NOS1AP: variants seen among roughly 807,000 people sequenced by gnomAD.
NOS1AP encodes nitric oxide synthase 1 adaptor protein.
In NOS1AP, 21 loss-of-function variants were observed where a neutral mutation model predicts 56.2. That is an observed-to-expected ratio of 0.37 (90% CI 0.26 to 0.54). The LOEUF (loss-of-function observed/expected upper bound fraction) is 0.54. NOS1AP is among the 20% of genes least tolerant of loss of function. The pLI, the probability that NOS1AP is intolerant of heterozygous loss-of-function variation, is 0.84. For synonymous variants in NOS1AP, 270 were observed against 274.6 expected (o/e 0.98, Z 0.17); for missense variants, 522 against 657.8 (o/e 0.79, Z 2.26).
At chr1:162,318,922 G>A (rs1329972597) in intron 4 of NOS1AP, among the ~76,000 whole-genome samples, 1 of 152,068 alleles carries the variant, frequency 6.6e-6, no homozygotes, top group East Asian at 1.9e-4. Context: ...ACACAGCTCA[G>A]AATCATATCC....
Position 162,287,927 on chromosome 1 carries a change from G to A in NOS1AP, c.270+491G>A, listed in dbSNP as rs971933905. Among the ~76,000 whole-genome samples the A allele has an allele frequency of 3.3e-5, 5 of 152,220 alleles. No homozygotes were observed. The East Asian group carries it at 7.7e-4, about 24-fold the overall frequency. The stretch of plus-strand genomic sequence containing the variant: ...TCCTGTTGCAGCCTATATTTACATC[G>A]TCCCTCAAGACCCAGCCACTGCTGC... On this transcript the variant is annotated intron_variant, in intron 3 of 9. Coordinates refer to ENST00000361897, the MANE Select transcript of NOS1AP (RefSeq NM_014697.3).
intron 2 of NOS1AP, among the ~76,000 whole-genome samples, chr1:162,233,444 T>C (rs558301948): frequency 5.9e-5 from 9 of 152,282 alleles, no homozygotes; most frequent in African/African-American, 2.2e-4. Flanking sequence ...TCTTTAAAAA[T>C]AACATCTTTA....
At chr1:162,075,281 C>G (rs1691743251) in intron 1 of NOS1AP, among the ~76,000 whole-genome samples, 1 of 152,178 alleles carries the variant, frequency 6.6e-6, no homozygotes, top group Admixed American at 6.5e-5. Flanking sequence ...TGTGGAAAGT[C>G]TGAAAGCAGT....
At chr1:162,287,206 C>G (rs868141099) in intron 2 of NOS1AP, 138 bp from the exon 3 acceptor site, 13 of 654,496 alleles carry the variant, frequency 2.0e-5, no homozygotes, top group African/African-American at 3.6e-5. Flanking sequence ...TTACATCCCC[C>G]GAGGTGCTCC....
intron 2 of NOS1AP, among the ~76,000 whole-genome samples, chr1:162,237,582 A>G (rs1187066546): frequency 1.3e-5 from 2 of 152,248 alleles, no homozygotes; most frequent in Non-Finnish European, 2.9e-5. Flanking sequence ...ATTTTGGATT[A>G]ACTCTATTAC....
At chr1:162,192,960 C>T (rs1361465480) in intron 2 of NOS1AP, among the ~76,000 whole-genome samples, 3 of 152,072 alleles carry the variant, frequency 2.0e-5, no homozygotes, top group Non-Finnish European at 4.4e-5. Context: ...TCTAACAGGC[C>T]ACTTTGACCC....
intron 1 of NOS1AP, among the ~76,000 whole-genome samples, chr1:162,149,730 C>T (rs1649630767): frequency 6.6e-6 from 1 of 152,134 alleles, no homozygotes; most frequent in Non-Finnish European, 1.5e-5. Context: ...TCTGGATGAC[C>T]CTAAGGTGCA....
At chr1:162,286,937 G>A (rs1456403665) in intron 2 of NOS1AP, among the ~76,000 whole-genome samples, 2 of 152,152 alleles carry the variant, frequency 1.3e-5, no homozygotes, top group African/African-American at 2.4e-5. Context: ...TGTGAAGATT[G>A]GTTCCAGCTG....
chr1:162,100,042 T>C (rs1692346568), intron 1 of NOS1AP, among the ~76,000 whole-genome samples: 1 of 152,138 alleles, frequency 6.6e-6, no homozygotes, highest in South Asian at 2.1e-4. Flanking sequence ...TTGTTGGACA[T>C]TTGGGTTGGT....
chr1:162,245,205 A>G (rs536150172), intron 2 of NOS1AP, among the ~76,000 whole-genome samples: 1 of 152,344 alleles, frequency 6.6e-6, no homozygotes, highest in East Asian at 1.9e-4. Context: ...CCCAATTTTA[A>G]AAACTGGGCA....
intron 2 of NOS1AP, among the ~76,000 whole-genome samples, chr1:162,162,375 T>A (rs911122394): frequency 2.8e-4 from 42 of 152,352 alleles, no homozygotes; most frequent in African/African-American, 9.1e-4. Flanking sequence ...ATGGAGTTAG[T>A]GCATGGTGCA....
intron 2 of NOS1AP, among the ~76,000 whole-genome samples, chr1:162,216,023 G>A (rs1024577908): frequency 2.0e-4 from 30 of 152,144 alleles, no homozygotes; most frequent in African/African-American, 7.0e-4. Flanking sequence ...GTGGGATGGC[G>A]AGTGGAGACC....
chr1:162,305,181 A>G (rs2221644), intron 4 of NOS1AP, among the ~76,000 whole-genome samples: 75,952 of 151,902 alleles, frequency 0.5, 19,203 homozygotes, highest in Middle Eastern at 0.59. Flanking sequence ...TTTTAAGCAT[A>G]CAAATCAGTG....
At chr1:162,259,086 G>A (rs1055789976) in intron 2 of NOS1AP, among the ~76,000 whole-genome samples, 1 of 152,166 alleles carries the variant, frequency 6.6e-6, no homozygotes, top group African/African-American at 2.4e-5. Flanking sequence ...AGGTTGTTGG[G>A]TTATGATTCT....
chr1:162,132,395 T>A (rs1648791157), intron 1 of NOS1AP, among the ~76,000 whole-genome samples: 2 of 152,226 alleles, frequency 1.3e-5, no homozygotes, highest in South Asian at 4.1e-4. Flanking sequence ...AAAGTGATGC[T>A]AGTATGTAAA....
chr1:162,355,334 G>T lies in NOS1AP; in HGVS notation c.743G>T (p.Gly248Val), dbSNP rs1199035445. Residue 248 changes from glycine to valine, a missense_variant, in exon 7 of 10, where the codon GGC (glycine) becomes GTC (valine). Gly to Val is a moderately radical substitution (Grantham distance 109, BLOSUM62 -3). Around this residue, in one of 4 missense-constraint regions of NOS1AP, gnomAD observed 178 missense variants for 165.0 expected, o/e 1.08. Transcript: ENST00000361897. ...TDLDAVGKEG[G>V]SHTGSKVSHP... Reference sequence around the variant, plus strand: ...CTAGATGCTGTAGGGAAGGAAGGAGGCTCTCACACAGGCTCCAAGGTAGGC... The same window carrying T: ...CTAGATGCTGTAGGGAAGGAAGGAGTCTCTCACACAGGCTCCAAGGTAGGC... 6.2e-7 allele frequency: 1 copy of T among 1,614,142 alleles called. No homozygotes were observed. The highest frequency in any genetic ancestry group is 8.5e-7 in the Non-Finnish European group (1 of 1,180,038).
chr1:162,163,886 G>A (rs1650349498), intron 2 of NOS1AP, among the ~76,000 whole-genome samples: 4 of 152,170 alleles, frequency 2.6e-5, no homozygotes, highest in Admixed American at 2.6e-4. Context: ...GCACCAGACT[G>A]AAAAGTCACT....
intron 4 of NOS1AP, among the ~76,000 whole-genome samples, chr1:162,322,073 T>C (rs1656441214): frequency 6.6e-6 from 1 of 151,782 alleles, no homozygotes; most frequent in South Asian, 2.1e-4. Flanking sequence ...TAAAATAATT[T>C]CTAAAAAACA....
At chr1:162,261,511 A>AAGAGAG (rs778383324) in intron 2 of NOS1AP, among the ~76,000 whole-genome samples, 1,091 of 21,308 alleles carry the variant, frequency 0.051, 374 homozygotes, top group East Asian at 0.11. Flanking sequence ...AGAGAGAGAG[A>AAGAGAG]GAGAGAGAGA....
Sources: allele counts gnomAD v4.1 joint callset (sites outside exome capture counted in the v4.1 genomes callset), GRCh38; gene constraint gnomAD v4.1.1; regional missense constraint gnomAD v4.1.1; transcripts MANE v1.5; gene names NCBI Gene and HGNC (gene_info 2026-07-23, HGNC 2026-07-21).